Variants in TMPRSS7 observed in about 807,000 individuals in gnomAD.
TMPRSS7 encodes transmembrane serine protease 7.
In TMPRSS7, 81 loss-of-function variants were observed where a neutral mutation model predicts 95.6. The ratio of observed to expected loss-of-function variants is 0.85; its 90% CI spans 0.71 to 1.02. The LOEUF is 1.02. Ranked by LOEUF, TMPRSS7 falls within the 50% of genes least tolerant of loss-of-function variation. The pLI, the probability that TMPRSS7 is intolerant of heterozygous loss-of-function variation, is 0.00. For missense variants in TMPRSS7, 945 were observed against 955.2 expected (o/e 0.99, Z 0.14); for synonymous variants, 364 against 337.8 (o/e 1.08, Z -0.85).
Position 112,045,734 on chromosome 3 carries a change from T to C in TMPRSS7, c.498-16T>C. ...GTCCTATGAGGTCCCTGATGATCTC[T>C]CTTTTTTCGTTATAGCAGCAACAAC... On this transcript the variant is annotated splice_polypyrimidine_tract_variant and intron_variant, in intron 4 of 17. Transcript: ENST00000452346. The C allele has an allele frequency of 6.5e-7, 1 of 1,538,982 alleles. No individual in the cohort carries two copies. The highest frequency in any genetic ancestry group is 8.8e-7 in the Non-Finnish European group (1 of 1,140,680).
chr3:112,045,727 T>C (rs1559953488), intron 4 of TMPRSS7, 23 bp from the exon 5 acceptor site: 3 of 1,532,546 alleles, frequency 2.0e-6, no homozygotes, highest in Non-Finnish European at 2.6e-6. Flanking sequence ...AGGTCCCTGA[T>C]GATCTCTCTT....
chr3:112,081,252 G>A (rs1410374902), downstream of TMPRSS7: 6 of 291,724 alleles, frequency 2.1e-5, no homozygotes, highest in South Asian at 2.8e-4. Flanking sequence ...CTAACATGGT[G>A]AAACCCTGTC....
chr3:112,059,645 A>G (rs2073475552), intron 10 of TMPRSS7, among the ~76,000 whole-genome samples: 2 of 152,210 alleles, frequency 1.3e-5, no homozygotes, highest in African/African-American at 4.8e-5. Context: ...CTTGGCTTTC[A>G]GGTGCCTCTC....
rs5851813 is a variant in TMPRSS7, at chr3:112,051,668, CATCTATCT to C, written c.1203+906_1203+913del. 2.2e-3 allele frequency among the ~76,000 whole-genome samples: 278 copies of C among 128,062 alleles called. 1 individual carries two copies. Among genetic ancestry groups the C allele is most frequent in the African/African-American group, 7.8e-3 (256 of 32,964 alleles). The allele number at this position is 128,062 out of a possible 152,430, so 84.0% of individuals were successfully genotyped here. ...TCTATCTATCTATCTATCTATCTAT[CATCTATCT>C]ATCTATCTATCTATCTATCTCTATT... On this transcript the variant is annotated intron_variant, in intron 9 of 17. Transcript: ENST00000452346.
intron 6 of TMPRSS7, 165 bp from the exon 7 acceptor site, chr3:112,047,574 G>C: frequency 3.0e-6 from 2 of 668,066 alleles, no homozygotes; most frequent in Non-Finnish European, 2.7e-6. Context: ...GTTTCTAAAG[G>C]CAAAATGCTG....
chr3:112,051,681 A>G (rs551731838), intron 9 of TMPRSS7, among the ~76,000 whole-genome samples: 1 of 150,314 alleles, frequency 6.7e-6, no homozygotes, highest in Admixed American at 6.6e-5. Context: ...CTATCTATCT[A>G]TCTATCTATC....
chr3:112,064,004 A>C (rs929223491), intron 12 of TMPRSS7, among the ~76,000 whole-genome samples: 2 of 152,202 alleles, frequency 1.3e-5, no homozygotes, highest in African/African-American at 4.8e-5. Flanking sequence ...GTTTCTCATA[A>C]GGCCTGGGCT....
intron 15 of TMPRSS7, among the ~76,000 whole-genome samples, chr3:112,075,729 A>T (rs1240984768): frequency 6.6e-6 from 1 of 152,190 alleles, no homozygotes; most frequent in Non-Finnish European, 1.5e-5. Context: ...GGAAAATAAG[A>T]TAGGGCTTTT....
At chr3:112,037,846 C>T (rs1559950278) in intron 1 of TMPRSS7, among the ~76,000 whole-genome samples, 1 of 152,128 alleles carries the variant, frequency 6.6e-6, no homozygotes, top group Non-Finnish European at 1.5e-5. Flanking sequence ...AACCATTTCA[C>T]TAGGGTTTGT....
chr3:112,046,314 A>T (rs1001419220), intron 5 of TMPRSS7, among the ~76,000 whole-genome samples: 12 of 152,158 alleles, frequency 7.9e-5, no homozygotes, highest in Non-Finnish European at 1.6e-4. Context: ...CTGTCCCTTT[A>T]CTGTGTAATG....
intron 3 of TMPRSS7, among the ~76,000 whole-genome samples, chr3:112,042,798 T>A (rs2073225937): frequency 6.6e-6 from 1 of 152,204 alleles, no homozygotes; most frequent in Admixed American, 6.5e-5. Flanking sequence ...TTTGTGAGTA[T>A]CTCTGACTAC....
intron 9 of TMPRSS7, among the ~76,000 whole-genome samples, chr3:112,055,247 A>G (rs17502804): frequency 0.2 from 29,909 of 151,982 alleles, 3,596 homozygotes; most frequent in Non-Finnish European, 0.27. Context: ...TGTGGTCTGC[A>G]TTTTTTAACC....
chr3:112,059,875 C>T (rs891184274), intron 10 of TMPRSS7, among the ~76,000 whole-genome samples: 9 of 152,170 alleles, frequency 5.9e-5, no homozygotes, highest in African/African-American at 2.2e-4. Flanking sequence ...TGCCTGTTTC[C>T]CGAGTGCTTT....
chr3:112,036,566 C>CA (rs1303902803), intron 1 of TMPRSS7, among the ~76,000 whole-genome samples: 379 of 124,672 alleles, frequency 3.0e-3, no homozygotes, highest in East Asian at 0.013. Flanking sequence ...AAAACTCTGT[C>CA]AAAAAAAAAA....
chr3:112,069,420 C>T (rs2073615412), intron 13 of TMPRSS7, among the ~76,000 whole-genome samples: 1 of 152,152 alleles, frequency 6.6e-6, no homozygotes, highest in Non-Finnish European at 1.5e-5. Flanking sequence ...CTCTTTGTGC[C>T]TCTGATAGAA....
chr3:112,037,330 T>C (rs1364551060), intron 1 of TMPRSS7, among the ~76,000 whole-genome samples: 1 of 152,220 alleles, frequency 6.6e-6, no homozygotes, highest in Non-Finnish European at 1.5e-5. Context: ...GTCTGCCTTA[T>C]GCAGTTGCAG....
chr3:112,039,933 G>T lies in TMPRSS7; in HGVS notation c.298+1612G>T, dbSNP rs142916591. ...AGTAAGAATGTGCCTTTAACCTTTG[G>T]GGTCTGACACGAACTCTTGGTAGCT... On this transcript the variant is annotated intron_variant, in intron 2 of 17. Transcript: ENST00000452346. 4.6e-5 allele frequency among the ~76,000 whole-genome samples: 7 copies of T among 152,184 alleles called. No homozygotes were observed. In the East Asian group the frequency reaches 1.4e-3, roughly 29 times the overall value.
intron 13 of TMPRSS7, among the ~76,000 whole-genome samples, chr3:112,073,930 G>A (rs534520049): frequency 6.6e-6 from 1 of 152,328 alleles, no homozygotes; most frequent in African/African-American, 2.4e-5. Context: ...AAATAACTGA[G>A]CATGGCTGTG....
In TMPRSS7 at chr3:112,066,423, C is replaced by CT. The variant is rs1246718480; in HGVS notation, c.1589dup (p.Arg531GlnfsTer9). 6.2e-7 allele frequency: 1 copy of CT among 1,613,920 alleles called. No individual in the cohort carries two copies. Among genetic ancestry groups the CT allele is most frequent in the Non-Finnish European group, 8.5e-7 (1 of 1,179,956 alleles). On this transcript the variant is annotated frameshift_variant, in exon 13 of 18. Coordinates refer to ENST00000452346, the Ensembl canonical transcript of TMPRSS7. LOFTEE classifies it high-confidence loss of function. ...CTCAACCTGCCTGCAATACCAGCTC[C>CT]TTCAGGCAGCATGGCCCTCTCATCT...
Sources: gnomAD v4.1 joint callset for allele counts (sites outside exome capture counted in the v4.1 genomes callset) on GRCh38, gnomAD v4.1.1 for gene constraint, MANE v1.5 for transcripts, NCBI Gene and HGNC (gene_info 2026-07-23, HGNC 2026-07-21) for gene names.